CDC25C: variants seen among roughly 807,000 people sequenced by gnomAD.
The protein encoded by CDC25C is cell division cycle 25C, also known as M-phase inducer phosphatase 3.
A neutral mutation model predicts 52.5 loss-of-function variants in CDC25C; 48 were observed. That is an observed-to-expected ratio of 0.91 (90% CI 0.72 to 1.16). CDC25C has a LOEUF of 1.16. CDC25C is among the 50% of genes most tolerant of loss of function. The pLI, the probability that CDC25C is intolerant of heterozygous loss-of-function variation, is 0.00. For missense variants in CDC25C, 510 were observed against 566.1 expected (o/e 0.90, Z 1.01); for synonymous variants, 187 against 206.5 (o/e 0.91, Z 0.81).
At chr5:138,320,362 A>G (rs1374560136) in intron 6 of CDC25C, among the ~76,000 whole-genome samples, 1 of 152,042 alleles carries the variant, frequency 6.6e-6, no homozygotes, top group Non-Finnish European at 1.5e-5. Context: ...GATTTTGTAC[A>G]CCTATGTTCA....
At chr5:138,309,234 A>C (rs1015611031) in intron 7 of CDC25C, among the ~76,000 whole-genome samples, 1 of 152,002 alleles carries the variant, frequency 6.6e-6, no homozygotes, top group South Asian at 2.1e-4. Flanking sequence ...AAAAAAAAAA[A>C]AAAAACATAA....
chr5:138,290,515 A>C, intron 9 of CDC25C, 124 bp downstream of exon 9: 1 of 654,598 alleles, frequency 1.5e-6, no homozygotes. Context: ...CCACTAGAGC[A>C]CTGTCAGGTT....
chr5:138,290,281 G>GA (rs11567995), intron 9 of CDC25C, among the ~76,000 whole-genome samples: 1 of 151,770 alleles, frequency 6.6e-6, no homozygotes, highest in African/African-American at 2.4e-5. Flanking sequence ...CAGTAGGGGG[G>GA]AAAAAAAGAG....
intron 7 of CDC25C, among the ~76,000 whole-genome samples, chr5:138,299,044 T>C (rs1226808184): frequency 1.3e-5 from 2 of 148,200 alleles, no homozygotes; most frequent in African/African-American, 5.0e-5. Context: ...AATACAAAAA[T>C]TAGCTGGGTG....
intron 6 of CDC25C, among the ~76,000 whole-genome samples, chr5:138,324,480 T>C (rs1220632572): frequency 6.6e-6 from 1 of 151,028 alleles, no homozygotes; most frequent in African/African-American, 2.4e-5. Flanking sequence ...ATTGATGCTG[T>C]CGGGCATGGT....
chr5:138,326,545 G>A (rs1759873199), intron 4 of CDC25C, among the ~76,000 whole-genome samples: 1 of 152,020 alleles, frequency 6.6e-6, no homozygotes, highest in African/African-American at 2.4e-5. Context: ...GTTTCACCGT[G>A]TTAGCCAGGA....
intron 6 of CDC25C, among the ~76,000 whole-genome samples, chr5:138,324,448 G>GA (rs869199931): frequency 4.3e-4 from 63 of 144,970 alleles, no homozygotes; most frequent in Middle Eastern, 3.6e-3. Flanking sequence ...CTAGGGAGAG[G>GA]AAAAAAAAAA....
intron 6 of CDC25C, among the ~76,000 whole-genome samples, chr5:138,324,421 T>C (rs1759689960): frequency 6.6e-6 from 1 of 151,912 alleles, no homozygotes; most frequent in South Asian, 2.1e-4. Context: ...CTAGGCAACA[T>C]AGTGAGACCC....
chr5:138,325,857 T>C lies in CDC25C; in HGVS notation c.417A>G (p.Arg139=). 6.2e-7 allele frequency: 1 copy of C among 1,614,178 alleles called. No individual in the cohort carries two copies. Among genetic ancestry groups the C allele is most frequent in the Non-Finnish European group, 8.5e-7 (1 of 1,179,994 alleles). Residue 139 remains arginine (R), a synonymous_variant, in exon 6 of 14, where the codon AGA becomes AGG. Coordinates refer to ENST00000323760, the MANE Select transcript of CDC25C (RefSeq NM_001790.5). ...STPNGLDRGH[R]KRDAMCSSSA... ...ATGAACTACACATTGCATCTCTCTT[T>C]CTATGGCCACGGTCCAAACCATTCG...
intron 7 of CDC25C, among the ~76,000 whole-genome samples, chr5:138,295,064 G>A (rs1757069768): frequency 6.6e-6 from 1 of 152,162 alleles, no homozygotes; most frequent in Non-Finnish European, 1.5e-5. Context: ...TTTAACGTAT[G>A]GATTTCCAAT....
At chr5:138,322,736 A>G (rs1313395794) in intron 6 of CDC25C, among the ~76,000 whole-genome samples, 1 of 144,880 alleles carries the variant, frequency 6.9e-6, no homozygotes, top group African/African-American at 2.5e-5. Context: ...CGGCCTCCCA[A>G]AGTGCTGGAA....
At chr5:138,307,172 CT>C in intron 7 of CDC25C, among the ~76,000 whole-genome samples, 1 of 152,072 alleles carries the variant, frequency 6.6e-6, no homozygotes, top group Admixed American at 6.5e-5. Flanking sequence ...CTAAAACCTA[CT>C]GCTATGCATA....
chr5:138,295,691 T>C lies in CDC25C; in HGVS notation c.616-3575A>G, dbSNP rs1164602769. Among the ~76,000 whole-genome samples, 6 of 152,106 alleles carry C rather than the reference T, an allele frequency of 3.9e-5. No individual in the cohort carries two copies. In the East Asian group the frequency reaches 1.2e-3, roughly 29 times the overall value. Reference sequence around the variant, plus strand: ...TTACATGAAAATAAATGTCAACTGATTGCAAAGGATATAAGTGCTAGGCCA... The same window carrying C: ...TTACATGAAAATAAATGTCAACTGACTGCAAAGGATATAAGTGCTAGGCCA... On this transcript the variant is annotated intron_variant, in intron 7 of 13. Coordinates refer to ENST00000323760, the MANE Select transcript of CDC25C (RefSeq NM_001790.5).
chr5:138,322,538 C>G (rs368017303), intron 6 of CDC25C, among the ~76,000 whole-genome samples: 1 of 130,582 alleles, frequency 7.7e-6, no homozygotes, highest in South Asian at 2.7e-4. Context: ...TACAGTGGCA[C>G]GATCTCGGCT....
rs183654893 is a variant in CDC25C, at chr5:138,294,568, G to A, written c.616-2452C>T. On this transcript the variant is annotated intron_variant, in intron 7 of 13. Transcript: ENST00000323760. Reference sequence around the variant, plus strand: ...CACCCAGGCTGGAGTGCAGTGGCGCGACCTCAGCGCACTGCAAGCTCTGCC... The same window carrying A: ...CACCCAGGCTGGAGTGCAGTGGCGCAACCTCAGCGCACTGCAAGCTCTGCC... Among the ~76,000 whole-genome samples, 579 of 144,806 alleles carry A rather than the reference G, an allele frequency of 4.0e-3. 1 individual carries two copies. The highest frequency in any genetic ancestry group is 0.011 in the Middle Eastern group (3 of 276). The allele number at this position is 144,806 out of a possible 152,430, so 95.0% of individuals were successfully genotyped here. A position where few individuals can be genotyped will look rare whatever the true frequency, so the allele number is the denominator to read the frequency against.
At chr5:138,334,967 A>C (rs1204273312), upstream of CDC25C, 3 of 152,222 alleles carry the variant, frequency 2.0e-5, no homozygotes, top group African/African-American at 7.2e-5. Context: ...TGTTGGATTG[A>C]GGGCATTGAT....
In CDC25C at chr5:138,331,718, A is replaced by T. The variant is rs1445671905; in HGVS notation, c.-162T>A. 3 of 989,624 alleles carry T rather than the reference A, an allele frequency of 3.0e-6. No individual in the cohort carries two copies. The African/African-American group carries it at 5.2e-5, about 17-fold the overall frequency. 61.3% of individuals were successfully genotyped at this position (989,624 alleles called of 1,614,324 possible). On this transcript the variant is annotated 5_prime_UTR_variant, in exon 1 of 14. Transcript: ENST00000323760. Reference sequence around the variant, plus strand: ...GAAAGGAGGTAGTTAACTAGATTGCAGCTCTGCCTTCCGACTGGGTAGGCC... The same window carrying T: ...GAAAGGAGGTAGTTAACTAGATTGCTGCTCTGCCTTCCGACTGGGTAGGCC...
chr5:138,301,467 G>A (rs906327806), intron 7 of CDC25C, among the ~76,000 whole-genome samples: 1 of 151,562 alleles, frequency 6.6e-6, no homozygotes, highest in Non-Finnish European at 1.5e-5. Context: ...TTCCCACAAA[G>A]AAAACTCTAG....
intron 7 of CDC25C, among the ~76,000 whole-genome samples, chr5:138,311,025 T>A (rs1227694836): frequency 6.6e-6 from 1 of 152,192 alleles, no homozygotes; most frequent in Non-Finnish European, 1.5e-5. Context: ...AGAAATAACC[T>A]CTTGCATATA....
Sources: gnomAD v4.1 joint callset for allele counts (sites outside exome capture counted in the v4.1 genomes callset) on GRCh38, gnomAD v4.1.1 for gene constraint, MANE v1.5 for transcripts, NCBI Gene and HGNC (gene_info 2026-07-23, HGNC 2026-07-21) for gene names.